The following SIL1 variants were observed in gnomAD, a reference collection of about 807,000 sequenced individuals.
The protein encoded by SIL1 is nucleotide exchange factor SIL1.
Under a neutral mutation model 49.1 loss-of-function variants are expected in SIL1, and 40 were observed. That is an observed-to-expected ratio of 0.81 (90% CI 0.63 to 1.06). The LOEUF (loss-of-function observed/expected upper bound fraction) is 1.06, where lower values mean the gene tolerates loss of function less well. Ranked by LOEUF, SIL1 falls within the 50% of genes least tolerant of loss-of-function variation. The probability of loss-of-function intolerance (pLI) is 0.00; values close to 1 mark genes in which losing one functional copy is unlikely to be tolerated. For missense variants in SIL1, 500 were observed against 572.6 expected (o/e 0.87, Z 1.29); for synonymous variants, 253 against 250.8 (o/e 1.01, Z -0.08).
At chr5:139,068,112 T>C (rs1769746656) in intron 3 of SIL1, among the ~76,000 whole-genome samples, 2 of 152,196 alleles carry the variant, frequency 1.3e-5, no homozygotes, top group Admixed American at 1.3e-4. Context: ...TTAAAGAACA[T>C]ATGTTAATGT....
intron 2 of SIL1, 80 bp from the exon 3 acceptor site, chr5:139,121,253 G>A (rs1750629444): frequency 6.3e-6 from 10 of 1,584,188 alleles, no homozygotes; most frequent in East Asian, 2.2e-5. Flanking sequence ...AGGGTGGCAC[G>A]TTCTTTTCCT....
chr5:139,094,871 A>G (rs1381189845), intron 3 of SIL1, among the ~76,000 whole-genome samples: 1 of 152,218 alleles, frequency 6.6e-6, no homozygotes, highest in Non-Finnish European at 1.5e-5. Flanking sequence ...CCAGTTTCTC[A>G]GTCTTTCCTT....
intron 1 of SIL1, among the ~76,000 whole-genome samples, chr5:139,139,053 C>T (rs1751030482): frequency 6.6e-6 from 1 of 152,226 alleles, no homozygotes; most frequent in Non-Finnish European, 1.5e-5. Context: ...ATTCCTGCTG[C>T]CACTCTCCTA....
chr5:139,118,852 C>T (rs1005669507), intron 3 of SIL1, among the ~76,000 whole-genome samples: 1 of 152,166 alleles, frequency 6.6e-6, no homozygotes, highest in Non-Finnish European at 1.5e-5. Context: ...CACCATGACA[C>T]CAGATTCTGA....
chr5:139,021,185 G>T lies in SIL1; in HGVS notation c.753C>A (p.Gly251=), dbSNP rs372589994. ...ATACTGCTCACCTGGAAAAGGCAGC[G>T]CCCAGCACAAACGCAGCATACTCCT... ...LVKEYAAFVL[G]AAFSSNPKVQ... is the part of the protein sequence containing the mutation. The change falls in exon 7 of 10, where the codon GGC becomes GGA. Residue 251 remains glycine (G), a synonymous_variant. Transcript: ENST00000394817. 2.5e-6 allele frequency: 4 copies of T among 1,614,014 alleles called. No individual in the cohort carries two copies. Among genetic ancestry groups the T allele is most frequent in the Non-Finnish European group, 3.4e-6 (4 of 1,180,036 alleles).
At chr5:139,054,915 C>T (rs1769373292) in intron 3 of SIL1, among the ~76,000 whole-genome samples, 1 of 152,184 alleles carries the variant, frequency 6.6e-6, no homozygotes, top group Admixed American at 6.5e-5. Flanking sequence ...TCAAATACTT[C>T]TCCACTGGGG....
intron 3 of SIL1, among the ~76,000 whole-genome samples, chr5:139,070,295 C>T (rs1312994826): frequency 1.3e-5 from 2 of 151,792 alleles, no homozygotes; most frequent in African/African-American, 4.8e-5. Context: ...TGTCCAGAAT[C>T]AGGACTCTCG....
chr5:139,021,443 A>T, intron 6 of SIL1, 151 bp from the exon 7 acceptor site: 1 of 1,169,494 alleles, frequency 8.6e-7, no homozygotes, highest in Non-Finnish European at 1.2e-6. Flanking sequence ...GTTTGTAAAA[A>T]CCAATTTTTT....
At chr5:139,102,773 G>A (rs1167815397) in intron 3 of SIL1, among the ~76,000 whole-genome samples, 1 of 150,850 alleles carries the variant, frequency 6.6e-6, no homozygotes, top group African/African-American at 2.4e-5. Flanking sequence ...GGAGTGCAAT[G>A]GTGCAATCTC....
At chr5:139,109,603 G>A (rs1770797122) in intron 3 of SIL1, among the ~76,000 whole-genome samples, 1 of 151,374 alleles carries the variant, frequency 6.6e-6, no homozygotes, top group South Asian at 2.1e-4. Context: ...TGGACCATGG[G>A]CTCCAAAAGA....
intron 7 of SIL1, among the ~76,000 whole-genome samples, chr5:138,976,310 CTTTTTTTTTT>C (rs542941622): frequency 7.4e-6 from 1 of 134,426 alleles, no homozygotes; most frequent in African/African-American, 2.9e-5. Context: ...TATTACCTCT[CTTTTTTTTTT>C]TTTTTTTTTT....
chr5:139,105,902 G>A (rs1770698574), intron 3 of SIL1, among the ~76,000 whole-genome samples: 1 of 152,214 alleles, frequency 6.6e-6, no homozygotes, highest in Non-Finnish European at 1.5e-5. Context: ...TCTGTGCAGG[G>A]AAAAGGAGCC....
rs563376013 is a variant in SIL1, at chr5:139,149,905, T to C, written c.-10-22052A>G. ...GTTAGATAGAGTTCAAACACATAGCTCACTGCACTGTCTTAGCAAATCTCT... is the reference window on the plus strand; with the variant it reads ...GTTAGATAGAGTTCAAACACATAGCCCACTGCACTGTCTTAGCAAATCTCT... On this transcript the variant is annotated intron_variant, in intron 1 of 9. Coordinates refer to ENST00000394817, the MANE Select transcript of SIL1 (RefSeq NM_022464.5). 2.6e-5 allele frequency among the ~76,000 whole-genome samples: 4 copies of C among 152,240 alleles called. No individual in the cohort carries two copies. The South Asian group carries it at 6.2e-4, about 24-fold the overall frequency.
At chr5:139,178,968 T>A (rs1259155170) in intron 1 of SIL1, among the ~76,000 whole-genome samples, 1 of 152,164 alleles carries the variant, frequency 6.6e-6, no homozygotes, top group Non-Finnish European at 1.5e-5. Context: ...CCTCCCTACA[T>A]GACCTTAAGC....
chr5:139,079,767 C>T (rs2151769761), intron 3 of SIL1, among the ~76,000 whole-genome samples: 1 of 152,354 alleles, frequency 6.6e-6, no homozygotes, highest in Middle Eastern at 3.4e-3. Context: ...AAAATCACTT[C>T]ACAACCATTT....
chr5:139,116,521 G>C lies in SIL1; in HGVS notation c.244+4514C>G, dbSNP rs1770992562. Among the ~76,000 whole-genome samples the C allele has an allele frequency of 2.0e-5, 3 of 152,240 alleles. No individual in the cohort carries two copies. The South Asian group carries it at 6.2e-4, about 31-fold the overall frequency. On this transcript the variant is annotated intron_variant, in intron 3 of 9. Transcript: ENST00000394817. ...GGGCCAACATGCAGCACTGGGTAAT[G>C]AGCAGAACAAGGGGCCCTCTGCCAG...
At chr5:139,140,981 G>C (rs1751068614) in intron 1 of SIL1, among the ~76,000 whole-genome samples, 1 of 152,090 alleles carries the variant, frequency 6.6e-6, no homozygotes, top group Non-Finnish European at 1.5e-5. Flanking sequence ...GCTTTGCTGA[G>C]AGCACAGTTA....
intron 7 of SIL1, among the ~76,000 whole-genome samples, chr5:138,982,505 G>A (rs991791974): frequency 1.3e-5 from 2 of 152,232 alleles, no homozygotes; most frequent in Non-Finnish European, 2.9e-5. Flanking sequence ...AACAACAACT[G>A]GCAGTGATAC....
chr5:139,086,286 A>AG (rs1554131610), intron 3 of SIL1, among the ~76,000 whole-genome samples: 2,751 of 145,112 alleles, frequency 0.019, 103 homozygotes, highest in African/African-American at 0.067. Context: ...AAAAAAAAAA[A>AG]AAGAAGAAGA....
Sources: gnomAD v4.1 joint callset for allele counts (sites outside exome capture counted in the v4.1 genomes callset) on GRCh38, gnomAD v4.1.1 for gene constraint, MANE v1.5 for transcripts, NCBI Gene and HGNC (gene_info 2026-07-23, HGNC 2026-07-21) for gene names.